TENM3: variants seen among roughly 807,000 people sequenced by gnomAD.
TENM3 encodes the protein teneurin-3.
In TENM3, 63 loss-of-function variants were observed where a neutral mutation model predicts 255.1. That is an observed-to-expected ratio of 0.25 (90% confidence interval 0.20 to 0.30). The LOEUF is 0.30. Among genes scored for constraint, TENM3 ranks in the 10% least tolerant of loss-of-function variants. The pLI is 1.00. For synonymous variants in TENM3, 1,306 were observed against 1,322.3 expected (o/e 0.99, Z 0.27); for missense variants, 2,929 against 3,461.1 (o/e 0.85, Z 3.86).
chr4:182,783,064 T>C (rs1765310803), intron 24 of TENM3, among the ~76,000 whole-genome samples: 1 of 149,750 alleles, frequency 6.7e-6, no homozygotes, highest in Admixed American at 6.6e-5. Context: ...CATTTAAAGT[T>C]AATATTGTTA....
chr4:181,522,734 T>C, the TENM3 span: 7 of 700,464 alleles, frequency 1.0e-5, no homozygotes, highest in Admixed American at 1.8e-5. Flanking sequence ...AATCCTTGTT[T>C]CATTCTTCTA....
the TENM3 span, among the ~76,000 whole-genome samples, chr4:182,034,472 A>G: frequency 1.3e-5 from 2 of 152,074 alleles, no homozygotes; most frequent in Non-Finnish European, 2.9e-5. Context: ...TAGTTGCTTC[A>G]TAGTGTGTCA....
the TENM3 span, among the ~76,000 whole-genome samples, chr4:182,100,447 A>AT: frequency 2.3e-5 from 2 of 88,260 alleles, no homozygotes; most frequent in African/African-American, 3.6e-5. Context: ...GTAAAAAAAA[A>AT]AATATATATA....
the TENM3 span, among the ~76,000 whole-genome samples, chr4:181,810,723 G>A: frequency 0.014 from 2,084 of 152,186 alleles, 25 homozygotes; most frequent in Non-Finnish European, 0.022. Flanking sequence ...TATGCCAGTG[G>A]CATTTGAAGT....
chr4:181,994,165 C>T, the TENM3 span, among the ~76,000 whole-genome samples: 2 of 152,020 alleles, frequency 1.3e-5, no homozygotes, highest in African/African-American at 4.8e-5. Flanking sequence ...AATCTGAAAA[C>T]ATTATATGTT....
At chr4:182,709,926 A>G (rs1758625621) in intron 12 of TENM3, among the ~76,000 whole-genome samples, 1 of 152,124 alleles carries the variant, frequency 6.6e-6, no homozygotes, top group African/African-American at 2.4e-5. Context: ...TTTTAAATGT[A>G]TTTTCTACTT....
At chr4:181,642,597 G>A in the TENM3 span, among the ~76,000 whole-genome samples, 8 of 152,038 alleles carry the variant, frequency 5.3e-5, no homozygotes, top group Non-Finnish European at 8.8e-5. Context: ...GATTTTTATG[G>A]TTTTAGGTCT....
At chr4:181,663,223 T>C in the TENM3 span, among the ~76,000 whole-genome samples, 2 of 152,178 alleles carry the variant, frequency 1.3e-5, no homozygotes, top group Non-Finnish European at 2.9e-5. Context: ...TGTGGAACTC[T>C]TCCTTTTCCT....
At chr4:181,496,653 T>C in the TENM3 span, among the ~76,000 whole-genome samples, 3 of 152,234 alleles carry the variant, frequency 2.0e-5, no homozygotes, top group African/African-American at 7.2e-5. Context: ...ATCGATTTAC[T>C]ATGGCGTGTG....
At chr4:182,652,699 G>T (rs6815360) in intron 5 of TENM3, among the ~76,000 whole-genome samples, 4,281 of 152,270 alleles carry the variant, frequency 0.028, 108 homozygotes, top group Non-Finnish European at 0.037. Flanking sequence ...CTTTTTGACA[G>T]TGGTAGTCAT....
At chr4:181,510,632 A>C in the TENM3 span, among the ~76,000 whole-genome samples, 4 of 152,224 alleles carry the variant, frequency 2.6e-5, no homozygotes, top group Non-Finnish European at 1.5e-5. Flanking sequence ...ACACAACTAA[A>C]AGGAAATGAC....
At chr4:182,621,009 G>A (rs1036418929) in intron 4 of TENM3, among the ~76,000 whole-genome samples, 1 of 152,000 alleles carries the variant, frequency 6.6e-6, no homozygotes, top group African/African-American at 2.4e-5. Context: ...GTGAAACCTC[G>A]TCTCTACTGA....
intron 12 of TENM3, among the ~76,000 whole-genome samples, chr4:182,706,827 G>T (rs570385327): frequency 6.6e-6 from 1 of 151,852 alleles, no homozygotes; most frequent in East Asian, 1.9e-4. Flanking sequence ...GTTGGGGTGC[G>T]CCTGTAGTCC....
the TENM3 span, among the ~76,000 whole-genome samples, chr4:181,689,189 T>C: frequency 6.6e-6 from 1 of 152,226 alleles, no homozygotes; most frequent in Non-Finnish European, 1.5e-5. Context: ...TTAGAATTCA[T>C]GTTTCCAGTA....
chr4:182,010,893 G>A, the TENM3 span, among the ~76,000 whole-genome samples: 46,612 of 151,980 alleles, frequency 0.31, 7,810 homozygotes, highest in Non-Finnish European at 0.39. Flanking sequence ...TGCATTCTAT[G>A]CCATCAGCAG....
At chr4:181,713,737 AT>A in the TENM3 span, among the ~76,000 whole-genome samples, 1 of 152,192 alleles carries the variant, frequency 6.6e-6, no homozygotes. Context: ...GAATTCAATT[AT>A]TCCCTAACAT....
intron 3 of TENM3, among the ~76,000 whole-genome samples, chr4:182,491,389 A>ATGTGTGTGTGTG (rs147076817): frequency 0.023 from 3,477 of 150,906 alleles, 56 homozygotes; most frequent in South Asian, 0.067. Context: ...AGTGAAATTT[A>ATGTGTGTGTGTG]TGTGTGTGTG....
the TENM3 span, among the ~76,000 whole-genome samples, chr4:181,700,039 C>T: frequency 2.0e-5 from 3 of 151,988 alleles, no homozygotes; most frequent in Non-Finnish European, 4.4e-5. Flanking sequence ...GAAAAGTGAC[C>T]CTCCAGTGTG....
chr4:181,540,741 A>C, the TENM3 span, among the ~76,000 whole-genome samples: 2 of 152,152 alleles, frequency 1.3e-5, no homozygotes, highest in Non-Finnish European at 2.9e-5. Flanking sequence ...AAGGTCATCA[A>C]AAACAAAGAC....
Sources: gnomAD v4.1 joint callset for allele counts (sites outside exome capture counted in the v4.1 genomes callset) on GRCh38, gnomAD v4.1.1 for gene constraint, MANE v1.5 for transcripts, NCBI Gene and HGNC (gene_info 2026-07-23, HGNC 2026-07-21) for gene names.